The following DCC variants were observed in gnomAD, a reference collection of about 807,000 sequenced individuals.
The protein encoded by DCC is DCC netrin 1 receptor.
A neutral mutation model predicts 172.5 loss-of-function variants in DCC; 58 were observed. The observed-to-expected ratio is 0.34, with a 90% CI of 0.27 to 0.42. The LOEUF (loss-of-function observed/expected upper bound fraction) is 0.42, where lower values mean the gene tolerates loss of function less well. Ranked by LOEUF, DCC falls within the 10% of genes least tolerant of loss-of-function variation. The pLI is 1.00. For synonymous variants in DCC, 709 were observed against 644.5 expected, an observed-to-expected ratio of 1.10 and a Z score of -1.52; for missense variants, 1,740 against 1,791.0, an observed-to-expected ratio of 0.97 and a Z score of 0.51.
chr18:53,404,663 G>A (rs1335655404), intron 19 of DCC, among the ~76,000 whole-genome samples: 4 of 151,800 alleles, frequency 2.6e-5, no homozygotes, highest in Non-Finnish European at 4.4e-5. Flanking sequence ...CCCACGAGGC[G>A]GAGCTTGCAG....
At chr18:53,237,252 A>T (rs2144628932) in intron 12 of DCC, 1 of 154,278 alleles carries the variant, frequency 6.5e-6, no homozygotes, top group South Asian at 2.0e-4. Flanking sequence ...ACATTATGCT[A>T]AATATGTGGG....
intron 12 of DCC, among the ~76,000 whole-genome samples, chr18:53,289,398 G>A (rs545276612): frequency 3.3e-5 from 5 of 152,140 alleles, no homozygotes; most frequent in South Asian, 4.2e-4. Context: ...AATTCTCTAC[G>A]AAGCCAGAAT....
intron 2 of DCC, among the ~76,000 whole-genome samples, chr18:52,817,852 A>G (rs2145264204): frequency 6.6e-6 from 1 of 152,314 alleles, no homozygotes; most frequent in Non-Finnish European, 1.5e-5. Flanking sequence ...ATATACACAT[A>G]TAATGAAATA....
At chr18:53,404,828 G>C (rs965695515) in intron 19 of DCC, among the ~76,000 whole-genome samples, 1 of 151,294 alleles carries the variant, frequency 6.6e-6, no homozygotes, top group Non-Finnish European at 1.5e-5. Flanking sequence ...GCATATAAAA[G>C]AAACTTTGTC....
chr18:53,359,313 C>T (rs570493112), intron 15 of DCC, among the ~76,000 whole-genome samples: 3 of 152,240 alleles, frequency 2.0e-5, no homozygotes, highest in African/African-American at 7.2e-5. Flanking sequence ...ATCACAAATA[C>T]TGGGGACTTG....
At chr18:52,900,922 T>C (rs1165101825) in intron 2 of DCC, among the ~76,000 whole-genome samples, 1 of 152,200 alleles carries the variant, frequency 6.6e-6, no homozygotes, top group Admixed American at 6.5e-5. Flanking sequence ...TTTTAATAGT[T>C]AAGTACTTCA....
chr18:53,477,861 G>T (rs1324567843), intron 25 of DCC, among the ~76,000 whole-genome samples: 5 of 152,186 alleles, frequency 3.3e-5, no homozygotes, highest in Non-Finnish European at 5.9e-5. Context: ...GCACAGGCAG[G>T]AGATGAACCC....
intron 13 of DCC, among the ~76,000 whole-genome samples, chr18:53,306,524 G>A (rs945744993): frequency 2.0e-5 from 3 of 152,254 alleles, no homozygotes; most frequent in Admixed American, 1.3e-4. Context: ...GGTCTCCTGG[G>A]TGTCTCTTGA....
At chr18:52,932,860 C>T (rs1231359680) in intron 5 of DCC, among the ~76,000 whole-genome samples, 2 of 151,230 alleles carry the variant, frequency 1.3e-5, no homozygotes, top group African/African-American at 2.4e-5. Context: ...CTAAAGTTTC[C>T]CTTTAAACTT....
chr18:53,325,946 G>A (rs759441936), intron 14 of DCC, among the ~76,000 whole-genome samples: 2 of 152,164 alleles, frequency 1.3e-5, no homozygotes, highest in Non-Finnish European at 2.9e-5. Context: ...AGCTAGGATT[G>A]TAAGGAAGTG....
At chr18:52,370,348 C>T (rs1985061571) in intron 1 of DCC, among the ~76,000 whole-genome samples, 1 of 152,220 alleles carries the variant, frequency 6.6e-6, no homozygotes, top group African/African-American at 2.4e-5. Context: ...CAATAATAGA[C>T]TGGATAAAGA....
At chr18:52,506,368 GA>G (rs1442345870) in intron 1 of DCC, among the ~76,000 whole-genome samples, 4 of 152,022 alleles carry the variant, frequency 2.6e-5, no homozygotes, top group African/African-American at 9.7e-5. Flanking sequence ...GTTGACCTGT[GA>G]AAACCCATAT....
chr18:52,675,752 G>A (rs2035635828), intron 1 of DCC, among the ~76,000 whole-genome samples: 1 of 152,230 alleles, frequency 6.6e-6, no homozygotes. Context: ...ATTTTAGGAA[G>A]ATTTTCGGCA....
In DCC at chr18:53,530,841, A is replaced by G. The variant is rs2046518121; in HGVS notation, c.*188A>G. 4.6e-6 allele frequency: 3 copies of G among 657,134 alleles called. No homozygotes were observed. Among genetic ancestry groups the G allele is most frequent in the South Asian group, 3.3e-5 (2 of 60,274 alleles). 40.7% of individuals were successfully genotyped at this position (657,134 alleles called of 1,614,324 possible). On this transcript the variant is annotated 3_prime_UTR_variant, in exon 29 of 29. Transcript: ENST00000442544. The stretch of plus-strand genomic sequence containing the variant: ...ATTCCTTCTTTCACAGGCATCAGGA[A>G]TTGTCAAATGATGATTATGAGTTCC...
intron 1 of DCC, among the ~76,000 whole-genome samples, chr18:52,698,764 A>ATTTTTTT (rs34646550): frequency 3.0e-5 from 4 of 134,164 alleles, no homozygotes; most frequent in East Asian, 4.4e-4. Flanking sequence ...ACGCCTGGCT[A>ATTTTTTT]TTTTTTTTTT....
chr18:53,166,948 A>G (rs1242800365), intron 8 of DCC, among the ~76,000 whole-genome samples: 1 of 152,168 alleles, frequency 6.6e-6, no homozygotes, highest in African/African-American at 2.4e-5. Context: ...TTCATTAAAC[A>G]CCATGTTTCA....
chr18:53,218,998 G>A (rs2055893031), intron 12 of DCC, among the ~76,000 whole-genome samples: 1 of 152,092 alleles, frequency 6.6e-6, no homozygotes, highest in African/African-American at 2.4e-5. Flanking sequence ...GAGGATGATA[G>A]AATTCAAGTT....
intron 1 of DCC, among the ~76,000 whole-genome samples, chr18:52,583,431 T>C (rs1305158136): frequency 6.6e-6 from 1 of 152,186 alleles, no homozygotes; most frequent in Non-Finnish European, 1.5e-5. Flanking sequence ...TGAAATGCAT[T>C]TTTATTTTTA....
intron 2 of DCC, among the ~76,000 whole-genome samples, chr18:52,769,073 T>A (rs913264737): frequency 6.6e-6 from 1 of 152,186 alleles, no homozygotes; most frequent in African/African-American, 2.4e-5. Flanking sequence ...TTCAGGAGAA[T>A]CCTAGAAAAT....
Sources: gnomAD v4.1 joint callset for allele counts (sites outside exome capture counted in the v4.1 genomes callset) on GRCh38, gnomAD v4.1.1 for gene constraint, MANE v1.5 for transcripts, NCBI Gene and HGNC (gene_info 2026-07-23, HGNC 2026-07-21) for gene names.